MRTFA: variants seen among roughly 807,000 people sequenced by gnomAD.
The protein encoded by MRTFA is myocardin-related transcription factor A.
In MRTFA, 20 loss-of-function variants were observed where a neutral mutation model predicts 83.5. That is an observed-to-expected ratio of 0.24 (90% CI 0.17 to 0.35). The LOEUF (loss-of-function observed/expected upper bound fraction) is 0.35. MRTFA is among the 10% of genes least tolerant of loss of function. The pLI, the probability that MRTFA is intolerant of heterozygous loss-of-function variation, is 1.00. For missense variants in MRTFA, 1,200 were observed against 1,224.7 expected, an observed-to-expected ratio of 0.98 and a Z score of 0.30; for synonymous variants, 659 against 541.2, an observed-to-expected ratio of 1.22 and a Z score of -3.02.
At chr22:40,547,084 G>A (rs2055376233) in intron 3 of MRTFA, among the ~76,000 whole-genome samples, 1 of 152,084 alleles carries the variant, frequency 6.6e-6, no homozygotes, top group Non-Finnish European at 1.5e-5. Context: ...GAACCCAGGA[G>A]GCGGAGCTTG....
chr22:40,552,274 C>T lies in MRTFA; in HGVS notation c.73G>A (p.Gly25Ser), dbSNP rs761321999. 11 of 398,900 alleles carry T rather than the reference C, an allele frequency of 2.8e-5. No individual in the cohort carries two copies. Among genetic ancestry groups the T allele is most frequent in the African/African-American group, 4.1e-5 (2 of 48,600 alleles). The allele number at this position is 398,900 out of a possible 1,614,324, so 24.7% of individuals were successfully genotyped here. ...AGCACTGGTTCATCATCATTTTCGC[C>T]GGCCCCTCCTCCGTCCAGCCCATTC... The change falls in exon 3 of 15, where the codon GGC (glycine) becomes AGC (serine). Residue 25 changes from glycine (G) to serine (S), a missense_variant. Physicochemically the swap from Gly to Ser is moderately conservative, Grantham distance 56. Transcript: ENST00000355630.
intron 5 of MRTFA, chr22:40,433,324 A>G (rs1403198890): frequency 6.6e-6 from 1 of 152,332 alleles, no homozygotes; most frequent in African/African-American, 2.4e-5. Context: ...TTTGTGTCGA[A>G]GAAAACTGAG....
chr22:40,459,904 C>T (rs1263924347), intron 4 of MRTFA, among the ~76,000 whole-genome samples: 1 of 138,924 alleles, frequency 7.2e-6, no homozygotes, highest in Non-Finnish European at 1.5e-5. Flanking sequence ...CATAGTCTAG[C>T]AGGAGATACA....
Position 40,418,897 on chromosome 22 carries a change from C to T in MRTFA, c.1841G>A (p.Gly614Glu), listed in dbSNP as rs752200215. ...GTCGCGCCCCTCTAGCTCCGCCCGC[C>T]CCCCAGGGCTCAGGCAACAGGACCC... The change falls in exon 12 of 15, where the codon GGG becomes GAG. Residue 614 changes from glycine (G) to glutamate (E), a missense_variant. Around this residue, in one of 2 missense-constraint regions of MRTFA, gnomAD observed 1,107 missense variants for 1,041.8 expected, o/e 1.06. Transcript: ENST00000355630. The T allele has an allele frequency of 6.2e-7, 1 of 1,612,666 alleles. No individual in the cohort carries two copies. The highest frequency in any genetic ancestry group is 8.5e-7 in the Non-Finnish European group (1 of 1,179,856).
chr22:40,534,252 T>C (rs1410901531), intron 3 of MRTFA, among the ~76,000 whole-genome samples: 1 of 152,110 alleles, frequency 6.6e-6, no homozygotes, highest in Non-Finnish European at 1.5e-5. Flanking sequence ...GCTAAGGAAG[T>C]TGAACATTTA....
At chr22:40,578,450 G>A (rs1455692138) in intron 2 of MRTFA, among the ~76,000 whole-genome samples, 1 of 152,144 alleles carries the variant, frequency 6.6e-6, no homozygotes, top group Non-Finnish European at 1.5e-5. Context: ...AGAAGAGATG[G>A]TATGTAACAT....
chr22:40,412,821 G>A (rs932028027), intron 14 of MRTFA: 2 of 152,120 alleles, frequency 1.3e-5, no homozygotes, highest in African/African-American at 4.8e-5. Context: ...TAATACCACT[G>A]AACCATACAC....
chr22:40,518,845 T>G (rs1233298062), intron 3 of MRTFA, among the ~76,000 whole-genome samples: 3 of 149,496 alleles, frequency 2.0e-5, no homozygotes, highest in South Asian at 4.3e-4. Flanking sequence ...TTCCTCTTCA[T>G]GCACTGTAAA....
chr22:40,636,399 G>A (rs1163408784), intron 1 of MRTFA, 79 bp downstream of exon 1: 2 of 152,320 alleles, frequency 1.3e-5, no homozygotes, highest in Admixed American at 6.5e-5. Flanking sequence ...CGCGCAGCAG[G>A]GTCGGGGGGG....
rs2053265550 is a variant in MRTFA, at chr22:40,441,049, A to G, written c.308-5495T>C. On this transcript the variant is annotated intron_variant, in intron 4 of 14. Transcript: ENST00000355630. ...ATTTTCCCAGACACTCCAAGAAAGCAGTCTCTAGAAAGAGAAGCCCCCAAA... is the reference window on the plus strand; with the variant it reads ...ATTTTCCCAGACACTCCAAGAAAGCGGTCTCTAGAAAGAGAAGCCCCCAAA... Among the ~76,000 whole-genome samples, 3 of 152,334 alleles carry G rather than the reference A, an allele frequency of 2.0e-5. 1 individual carries two copies. In the South Asian group the frequency reaches 6.2e-4, roughly 32 times the overall value.
At chr22:40,519,728 C>T (rs2054829762) in intron 3 of MRTFA, 2 of 637,544 alleles carry the variant, frequency 3.1e-6, no homozygotes, top group South Asian at 2.0e-5. Context: ...ATAATGGAGT[C>T]AGGCTAGTAC....
chr22:40,448,183 G>A (rs919513739), intron 4 of MRTFA, among the ~76,000 whole-genome samples: 2 of 152,220 alleles, frequency 1.3e-5, no homozygotes, highest in Admixed American at 1.3e-4. Context: ...GACGGTGCAC[G>A]CCTGTAATCC....
chr22:40,416,838 G>T lies in MRTFA; in HGVS notation c.2578+148C>A. 1 of 738,964 alleles carries T rather than the reference G, an allele frequency of 1.4e-6. No homozygotes were observed. The highest frequency in any genetic ancestry group is 2.2e-6 in the Non-Finnish European group (1 of 447,058). The allele number at this position is 738,964 out of a possible 1,614,324, so 45.8% of individuals were successfully genotyped here. A position where few individuals can be genotyped will look rare whatever the true frequency, so the allele number is the denominator to read the frequency against. On this transcript the variant is annotated intron_variant, in intron 14 of 14. Coordinates refer to ENST00000355630, the MANE Select transcript of MRTFA (RefSeq NM_020831.6). This position sits in a 1 kb window ranked among gnomAD's most constrained non-coding sequence, Gnocchi z 4.2. ...TCCTCTCGCCCAGGCCTTGGAGACG[G>T]GAGGGCTCACAGCCACCACTGCATC...
At chr22:40,586,301 C>T (rs2056027683) in intron 2 of MRTFA, among the ~76,000 whole-genome samples, 1 of 150,808 alleles carries the variant, frequency 6.6e-6, no homozygotes, top group East Asian at 1.9e-4. Context: ...AAGAACAGTA[C>T]AAACAATAAC....
chr22:40,566,404 T>G (rs2055704225), intron 2 of MRTFA, among the ~76,000 whole-genome samples: 1 of 152,106 alleles, frequency 6.6e-6, no homozygotes. Context: ...GCATTTTTAG[T>G]AGAGACGGGC....
intron 1 of MRTFA, among the ~76,000 whole-genome samples, chr22:40,611,039 G>T (rs2056381952): frequency 6.7e-6 from 1 of 150,208 alleles, no homozygotes; most frequent in Non-Finnish European, 1.5e-5. Context: ...CCGGGCTCAA[G>T]TGATTTTCCG....
chr22:40,500,945 GCTC>G (rs1328945697), intron 3 of MRTFA, among the ~76,000 whole-genome samples: 1 of 145,944 alleles, frequency 6.9e-6, no homozygotes. Context: ...GGGCAGAGGG[GCTC>G]CTCACTTCCC....
At chr22:40,417,102 G>A in intron 13 of MRTFA, 56 bp from the exon 14 acceptor site, 1 of 1,531,124 alleles carries the variant, frequency 6.5e-7, no homozygotes, top group East Asian at 2.4e-5. Flanking sequence ...GGGGCTCCCA[G>A]CCCGAACTAC....
At chr22:40,429,490 C>T in intron 7 of MRTFA, 116 bp downstream of exon 7, 1 of 1,225,974 alleles carries the variant, frequency 8.2e-7, no homozygotes, top group Non-Finnish European at 1.2e-6. Context: ...CAAGGCTAAG[C>T]AGGAAGTCAA....
Sources: gnomAD v4.1 joint callset for allele counts (sites outside exome capture counted in the v4.1 genomes callset) on GRCh38, gnomAD v4.1.1 for gene constraint, gnomAD v4.1.1 regional missense constraint, Gnocchi (gnomAD v3.1) non-coding constraint, MANE v1.5 for transcripts, NCBI Gene and HGNC (gene_info 2026-07-23, HGNC 2026-07-21) for gene names.